The following KCNAB2 variants were observed in gnomAD, a reference collection of about 807,000 sequenced individuals.
KCNAB2 encodes the protein potassium voltage-gated channel subfamily A regulatory beta subunit 2, also known as voltage-gated potassium channel subunit beta-2.
A neutral mutation model predicts 63.6 loss-of-function variants in KCNAB2; 29 were observed. The observed-to-expected ratio is 0.46, with a 90% confidence interval of 0.34 to 0.62. KCNAB2 has a LOEUF of 0.62. Among genes scored for constraint, KCNAB2 ranks in the 20% least tolerant of loss-of-function variants. The probability of loss-of-function intolerance (pLI) is 0.01; values close to 1 mark genes in which losing one functional copy is unlikely to be tolerated. For synonymous variants in KCNAB2, 222 were observed against 224.2 expected, an observed-to-expected ratio of 0.99 and a Z score of 0.09; for missense variants, 359 against 563.9, an observed-to-expected ratio of 0.64 and a Z score of 3.68.
In KCNAB2 at chr1:6,046,022, C is replaced by T; in HGVS notation, c.-188C>T. 1.0e-6 allele frequency: 1 copy of T among 985,458 alleles called. No individual in the cohort carries two copies. Among genetic ancestry groups the T allele is most frequent in the Non-Finnish European group, 1.2e-6 (1 of 829,930 alleles). The allele number at this position is 985,458 out of a possible 1,614,324, so 61.0% of individuals were successfully genotyped here. On this transcript the variant is annotated 5_prime_UTR_variant, in exon 1 of 16. Transcript: ENST00000378083. ...AACTAATGGACTCGCTGCCTCAAAA[C>T]TCGACTCTGGTGGGACTCATCTCAT...
exon 2 of KCNAB2, chr1:6,040,581 T>C (rs1660415947): frequency 6.2e-7 from 1 of 1,614,196 alleles, no homozygotes; most frequent in Non-Finnish European, 8.5e-7. Context: ...GTATCCAGAA[T>C]CAACGACGGG....
rs1659973984 is a variant in KCNAB2 at position 6,035,610 on chromosome 1, A to C, written c.-53+816A>C. The stretch of plus-strand genomic sequence containing the variant: ...TGGGAGGGTGGGGAGCTCGTTACTC[A>C]TCTGGGGCCACCCTGGGAAGAACTG... On this transcript the variant is annotated intron_variant, in intron 1 of 15. Coordinates refer to the KCNAB2 transcript ENST00000164247. This position sits in a 1 kb window ranked among gnomAD's most constrained non-coding sequence, Gnocchi z 5.0. Among the ~76,000 whole-genome samples the C allele has an allele frequency of 6.6e-6, 1 of 152,002 alleles. No individual in the cohort carries two copies. The highest frequency in any genetic ancestry group is 2.1e-4 in the South Asian group (1 of 4,818).
At chr1:6,050,769 G>A (rs544648429) in intron 1 of KCNAB2, among the ~76,000 whole-genome samples, 1 of 152,278 alleles carries the variant, frequency 6.6e-6, no homozygotes, top group South Asian at 2.1e-4. Flanking sequence ...AAACTCCCCT[G>A]TCCCAACTAA....
intron 4 of KCNAB2, among the ~76,000 whole-genome samples, chr1:6,076,793 A>C (rs991048999): frequency 6.6e-6 from 1 of 152,216 alleles, no homozygotes; most frequent in East Asian, 1.9e-4. Context: ...TTCTGACTTC[A>C]GTGTCTGGGA....
At chr1:6,042,095 A>C (rs1056561379), upstream of KCNAB2, among the ~76,000 whole-genome samples, 1 of 152,176 alleles carries the variant, frequency 6.6e-6, no homozygotes, top group African/African-American at 2.4e-5. Context: ...TTGGTCTGCC[A>C]GAAGTTTGCT....
chr1:6,065,610 C>T (rs902051318), intron 2 of KCNAB2, among the ~76,000 whole-genome samples: 4 of 152,188 alleles, frequency 2.6e-5, no homozygotes, highest in Non-Finnish European at 5.9e-5. Context: ...AGAGAGAGCC[C>T]TCCCTTCTCC....
At position 6,024,021 on chromosome 1, in the gene KCNAB2, G is replaced by T. The variant is rs957880523; in HGVS notation, c.-52-16496G>T. Among the ~76,000 whole-genome samples the T allele has an allele frequency of 6.6e-6, 1 of 151,022 alleles. No homozygotes were observed. The highest frequency in any genetic ancestry group is 1.9e-4 in the East Asian group (1 of 5,166). ...CAATGGCACAATCTAGGCTCACTGC[G>T]ACCTCCGCCTCCTGGGTTCAAGCAA... On this transcript the variant is annotated intron_variant, in intron 1 of 16. Transcript: ENST00000341524. The surrounding 1 kb of genome is among the most constrained non-coding windows in gnomAD (Gnocchi z 5.4).
At chr1:6,049,999 C>T (rs1027522435) in intron 1 of KCNAB2, among the ~76,000 whole-genome samples, 1 of 152,212 alleles carries the variant, frequency 6.6e-6, no homozygotes, top group Non-Finnish European at 1.5e-5. Context: ...GGGCTCATCA[C>T]AAACTCCTGC....
At chr1:6,023,487 T>C (rs1468413351) in intron 1 of KCNAB2, among the ~76,000 whole-genome samples, 2 of 152,232 alleles carry the variant, frequency 1.3e-5, no homozygotes, top group African/African-American at 4.8e-5. Context: ...ATAGCGGCCA[T>C]CCTAATGGCT....
At chr1:6,075,390 G>A (rs924434995) in intron 4 of KCNAB2, among the ~76,000 whole-genome samples, 4 of 152,244 alleles carry the variant, frequency 2.6e-5, no homozygotes, top group Non-Finnish European at 2.9e-5. Flanking sequence ...CCTCTGCAGT[G>A]TCTCCATCAG....
rs559787739 is a variant in KCNAB2 at position 6,049,865 on chromosome 1, A to G, written c.-26-1646A>G. Among the ~76,000 whole-genome samples the G allele has an allele frequency of 1.0e-3, 158 of 152,366 alleles. 1 individual carries two copies. Among genetic ancestry groups the G allele is most frequent in the African/African-American group, 3.5e-3 (146 of 41,598 alleles). ...AGATACAGACGAATACTTGCAGGGAAACCCCCATGAAAGAGGCAGCTGTGG... is the reference window on the plus strand; with the variant it reads ...AGATACAGACGAATACTTGCAGGGAGACCCCCATGAAAGAGGCAGCTGTGG... On this transcript the variant is annotated intron_variant, in intron 1 of 15. Transcript: ENST00000378083.
At chr1:6,015,263 C>A (rs1343050245) in intron 1 of KCNAB2, among the ~76,000 whole-genome samples, 1 of 152,140 alleles carries the variant, frequency 6.6e-6, no homozygotes, top group Non-Finnish European at 1.5e-5. Context: ...CTCTTGACCT[C>A]CGGTGATCCA....
chr1:6,004,578 C>A (rs927676057), intron 1 of KCNAB2, among the ~76,000 whole-genome samples: 1 of 151,192 alleles, frequency 6.6e-6, no homozygotes, highest in Non-Finnish European at 1.5e-5. Context: ...TGTAGAAACA[C>A]CCCCCCGAGA....
intron 2 of KCNAB2, among the ~76,000 whole-genome samples, chr1:6,054,059 G>A (rs376243922): frequency 4.7e-4 from 59 of 126,290 alleles, no homozygotes; most frequent in African/African-American, 1.3e-3. Flanking sequence ...AAAAAAAAAA[G>A]AAGAAGAAGA....
Position 6,035,696 on chromosome 1 carries a change from C to G in KCNAB2, c.-53+902C>G, listed in dbSNP as rs1037299761. Reference sequence around the variant, plus strand: ...GACCCAGGAATCCGAGGCACACGTTCCCCACCCTCATAGCTGAGCCACACA... The same window carrying G: ...GACCCAGGAATCCGAGGCACACGTTGCCCACCCTCATAGCTGAGCCACACA... On this transcript the variant is annotated intron_variant, in intron 1 of 15. Coordinates refer to the KCNAB2 transcript ENST00000164247. This position sits in a 1 kb window ranked among gnomAD's most constrained non-coding sequence, Gnocchi z 5.0. 2.0e-5 allele frequency among the ~76,000 whole-genome samples: 3 copies of G among 151,906 alleles called. No homozygotes were observed. The highest frequency in any genetic ancestry group is 1.3e-4 in the Admixed American group (2 of 15,256).
intron 8 of KCNAB2, 82 bp downstream of exon 8, chr1:6,089,133 C>A (rs555137309): frequency 2.1e-6 from 3 of 1,410,998 alleles, no homozygotes; most frequent in South Asian, 1.2e-5. Context: ...GCACAGGGCC[C>A]GACCCCCCCA....
rs574387197 is a variant in KCNAB2 at position 6,058,711 on chromosome 1, G to A, written c.218+6957G>A. Among the ~76,000 whole-genome samples, 5 of 152,336 alleles carry A rather than the reference G, an allele frequency of 3.3e-5. No homozygotes were observed. The East Asian group carries it at 5.8e-4, about 18-fold the overall frequency. ...ACTTAGAGATGTAGTTCAGTGCCGC[G>A]CAGACAAGGGGCGGAGGCATCAGGA... On this transcript the variant is annotated intron_variant, in intron 2 of 15. Coordinates refer to ENST00000378083, the MANE Select transcript of KCNAB2 (RefSeq NM_001199862.2).
At chr1:6,019,375 G>A (rs1374311784) in intron 1 of KCNAB2, among the ~76,000 whole-genome samples, 3 of 152,164 alleles carry the variant, frequency 2.0e-5, no homozygotes, top group South Asian at 2.1e-4. Flanking sequence ...ACAGGCTGGC[G>A]CAGCAGTTTT....
intron 1 of KCNAB2, among the ~76,000 whole-genome samples, chr1:6,040,212 A>G (rs1405656357): frequency 6.6e-6 from 1 of 152,196 alleles, no homozygotes; most frequent in South Asian, 2.1e-4. Flanking sequence ...CGGTTTCAGA[A>G]CAACAGTTGG....
Sources: allele counts gnomAD v4.1 joint callset (sites outside exome capture counted in the v4.1 genomes callset), GRCh38; gene constraint gnomAD v4.1.1; non-coding constraint Gnocchi (gnomAD v3.1); transcripts MANE v1.5; gene names NCBI Gene and HGNC (gene_info 2026-07-23, HGNC 2026-07-21).